Variants in DOCK5 observed in about 807,000 individuals in gnomAD.
DOCK5 encodes dedicator of cytokinesis 5, also known as dedicator of cytokinesis protein 5.
A neutral mutation model predicts 251.8 loss-of-function variants in DOCK5; 142 were observed. The ratio of observed to expected loss-of-function variants is 0.56; its 90% CI spans 0.49 to 0.65. DOCK5 has a LOEUF of 0.65. Ranked by LOEUF, DOCK5 falls within the 30% of genes least tolerant of loss-of-function variation. The pLI is 0.00. For synonymous variants in DOCK5, 842 were observed against 835.5 expected (o/e 1.01, Z -0.13); for missense variants, 2,111 against 2,312.3 (o/e 0.91, Z 1.79).
intron 40 of DOCK5, among the ~76,000 whole-genome samples, chr8:25,386,589 C>A (rs997870836): frequency 2.0e-5 from 3 of 152,034 alleles, no homozygotes; most frequent in African/African-American, 4.8e-5. Context: ...CAGAGTGAGA[C>A]CCTGTCTCAA....
intron 1 of DOCK5, among the ~76,000 whole-genome samples, chr8:25,239,015 C>T (rs1226445908): frequency 6.6e-6 from 1 of 152,122 alleles, no homozygotes; most frequent in Non-Finnish European, 1.5e-5. Context: ...TGTGGAATGT[C>T]AGAGAAGAAA....
chr8:25,268,567 T>G (rs1226799374), intron 2 of DOCK5, among the ~76,000 whole-genome samples: 1 of 152,190 alleles, frequency 6.6e-6, no homozygotes, highest in Non-Finnish European at 1.5e-5. Flanking sequence ...GTTGGTTTTT[T>G]TTGCTATTGT....
At chr8:25,310,900 C>G (rs1805074801) in intron 13 of DOCK5, among the ~76,000 whole-genome samples, 3 of 152,162 alleles carry the variant, frequency 2.0e-5, no homozygotes. Context: ...CTTACTCTCT[C>G]TTTTACGCAG....
rs1395323949 is a variant in DOCK5 at position 25,325,487 on chromosome 8, A to T, written c.1843A>T (p.Ser615Cys). ...NLVTFTPSKDSTKDSFQIATL... is the reference protein window; with the variant it reads ...NLVTFTPSKDCTKDSFQIATL... ...GGTCACCTTCACCCCAAGCAAGGAT[A>T]GCACTAAAGACAGCTTTCAGATTGC... is the stretch of plus-strand genomic sequence containing the variant. The change falls in exon 18 of 52, where the codon AGC becomes TGC. Residue 615 changes from serine (S) to cysteine (C), a missense_variant. Ser to Cys is a moderately radical substitution (Grantham distance 112, BLOSUM62 -1). This residue lies in a region of DOCK5 where 1,717 missense variants were observed against 1,892.4 expected (regional missense o/e 0.91). Coordinates refer to ENST00000276440, the MANE Select transcript of DOCK5 (RefSeq NM_024940.8). 6.2e-6 allele frequency: 10 copies of T among 1,613,770 alleles called. No individual in the cohort carries two copies. Among genetic ancestry groups the T allele is most frequent in the Non-Finnish European group, 8.5e-6 (10 of 1,179,794 alleles).
At chr8:25,282,873 A>G (rs1484004805) in intron 5 of DOCK5, among the ~76,000 whole-genome samples, 1 of 149,638 alleles carries the variant, frequency 6.7e-6, no homozygotes, top group African/African-American at 2.5e-5. Context: ...AAAAAAAAAA[A>G]AAAAAAAGAT....
At chr8:25,199,445 A>G (rs1367237167) in intron 1 of DOCK5, among the ~76,000 whole-genome samples, 4 of 137,112 alleles carry the variant, frequency 2.9e-5, no homozygotes, top group Admixed American at 2.5e-4. Flanking sequence ...GTGCAGTGGC[A>G]CCATCTCAGC....
rs554418104 is a variant in DOCK5, at chr8:25,316,969, C to T, written c.1319-38C>T. On this transcript the variant is annotated intron_variant, in intron 13 of 51. Coordinates refer to ENST00000276440, the MANE Select transcript of DOCK5 (RefSeq NM_024940.8). ...GACATTCTGAAACTTAGAATGACTT[C>T]TCTCAGCAACACTCACAGCATGCTT... 7 of 1,609,056 alleles carry T rather than the reference C, an allele frequency of 4.4e-6. No homozygotes were observed. The African/African-American group carries it at 6.7e-5, about 15-fold the overall frequency.
intron 1 of DOCK5, among the ~76,000 whole-genome samples, chr8:25,188,176 G>A (rs1340849921): frequency 6.6e-6 from 1 of 152,112 alleles, no homozygotes; most frequent in Non-Finnish European, 1.5e-5. Context: ...CCCAATATGA[G>A]TTGAATTTTG....
At chr8:25,353,105 T>G (rs935704252) in intron 27 of DOCK5, among the ~76,000 whole-genome samples, 3 of 152,138 alleles carry the variant, frequency 2.0e-5, no homozygotes, top group Admixed American at 2.0e-4. Flanking sequence ...TTCTGCTGGA[T>G]TAAAACCCAA....
At chr8:25,235,401 T>C (rs75294801) in intron 1 of DOCK5, among the ~76,000 whole-genome samples, 5 of 152,060 alleles carry the variant, frequency 3.3e-5, no homozygotes, top group Non-Finnish European at 5.9e-5. Flanking sequence ...GCTAGGACCA[T>C]AGGCACACAC....
chr8:25,258,570 G>T (rs1803483864), intron 2 of DOCK5, among the ~76,000 whole-genome samples: 1 of 152,134 alleles, frequency 6.6e-6, no homozygotes, highest in African/African-American at 2.4e-5. Context: ...TGTAGGCAGG[G>T]TGCTTTAGCG....
chr8:25,289,843 C>CA (rs748634426), intron 5 of DOCK5, among the ~76,000 whole-genome samples: 9 of 151,126 alleles, frequency 6.0e-5, no homozygotes, highest in Admixed American at 4.6e-4. Context: ...ACTCCGTTTC[C>CA]AAAAAAAAGA....
rs1268799881 is a variant in DOCK5, at chr8:25,357,079, A to C, written c.2851-1884A>C. ...TGTTTTAGTAGAAAAATGAGTAAAG[A>C]ATGGGTGCAAACAGCAACATGAGAA... is the stretch of plus-strand genomic sequence containing the variant. On this transcript the variant is annotated intron_variant, in intron 27 of 51. Coordinates refer to ENST00000276440, the MANE Select transcript of DOCK5 (RefSeq NM_024940.8). Among the ~76,000 whole-genome samples the C allele has an allele frequency of 2.0e-5, 3 of 151,874 alleles. No homozygotes were observed. The East Asian group carries it at 5.8e-4, about 29-fold the overall frequency.
chr8:25,366,170 G>A (rs1226532734), intron 30 of DOCK5, among the ~76,000 whole-genome samples: 1 of 152,042 alleles, frequency 6.6e-6, no homozygotes, highest in Non-Finnish European at 1.5e-5. Context: ...ACACTGTGAT[G>A]GACTTCCTTC....
chr8:25,205,215 A>G (rs751266953), intron 1 of DOCK5, among the ~76,000 whole-genome samples: 4 of 151,428 alleles, frequency 2.6e-5, no homozygotes, highest in Admixed American at 6.6e-5. Context: ...TTATGTGGAG[A>G]GCGCTCTCCC....
chr8:25,264,222 C>T (rs1030377106), intron 2 of DOCK5, among the ~76,000 whole-genome samples: 2 of 151,494 alleles, frequency 1.3e-5, no homozygotes, highest in Non-Finnish European at 2.9e-5. Flanking sequence ...AATAGCCGGG[C>T]ATGGTGGCAT....
intron 27 of DOCK5, 29 bp from the exon 28 acceptor site, chr8:25,358,934 T>A: frequency 6.2e-7 from 1 of 1,603,716 alleles, no homozygotes; most frequent in Admixed American, 1.7e-5. Flanking sequence ...CTAAGGAGTC[T>A]TGGATTTGTG....
chr8:25,225,397 A>G (rs1369596978), intron 1 of DOCK5, among the ~76,000 whole-genome samples: 1 of 152,132 alleles, frequency 6.6e-6, no homozygotes, highest in Non-Finnish European at 1.5e-5. Context: ...ATACAAAGGA[A>G]TATTATTCAG....
chr8:25,408,125 G>A lies in DOCK5; in HGVS notation c.5236G>A (p.Ala1746Thr), dbSNP rs1801555204. Reference protein sequence around the residue: ...DWSLSKSQVIAEKAPEPDLMS... With the variant: ...DWSLSKSQVITEKAPEPDLMS... ...GAGTCTGAGCAAGTCCCAGGTCATTGCAGAGAAAGCACCAGAACCCGATTT... is the reference window on the plus strand; with the variant it reads ...GAGTCTGAGCAAGTCCCAGGTCATTACAGAGAAAGCACCAGAACCCGATTT... The change falls in exon 49 of 52, where the codon GCA becomes ACA. Residue 1746 changes from alanine to threonine, a missense_variant. Around this residue, in one of 3 missense-constraint regions of DOCK5, gnomAD observed 1,717 missense variants for 1,892.4 expected, o/e 0.91. Transcript: ENST00000276440. 2 of 1,595,684 alleles carry A rather than the reference G, an allele frequency of 1.3e-6. No homozygotes were observed. The highest frequency in any genetic ancestry group is 2.7e-5 in the African/African-American group (2 of 74,480).
Sources: gnomAD v4.1 joint callset for allele counts (sites outside exome capture counted in the v4.1 genomes callset) on GRCh38, gnomAD v4.1.1 for gene constraint, gnomAD v4.1.1 regional missense constraint, MANE v1.5 for transcripts, NCBI Gene and HGNC (gene_info 2026-07-23, HGNC 2026-07-21) for gene names.